The following ANKMY1 variants were observed in gnomAD, a reference collection of about 807,000 sequenced individuals.
ANKMY1 encodes the protein ankyrin repeat and MYND domain-containing protein 1.
A neutral mutation model predicts 102.0 loss-of-function variants in ANKMY1; 98 were observed. The ratio of observed to expected loss-of-function variants is 0.96; its 90% CI spans 0.82 to 1.14. The LOEUF (loss-of-function observed/expected upper bound fraction) is 1.14. Among genes scored for constraint, ANKMY1 ranks in the 50% most tolerant of loss-of-function variants. ANKMY1 has a pLI of 0.00. For synonymous variants in ANKMY1, 582 were observed against 559.9 expected (o/e 1.04, Z -0.56); for missense variants, 1,330 against 1,347.6 (o/e 0.99, Z 0.20).
chr2:240,507,634 A>G lies in ANKMY1; in HGVS notation c.2452T>C (p.Leu818=), dbSNP rs1394373178. The G allele has an allele frequency of 6.2e-7, 1 of 1,612,000 alleles. No homozygotes were observed. Among genetic ancestry groups the G allele is most frequent in the Non-Finnish European group, 8.5e-7 (1 of 1,179,032 alleles). ...ADPNLPLTKG[L]GSALCVACDL... ...CAGGCAACACACAGGGCACTGCCCA[A>G]GCCTTTGGTCAGGGGCAGGTTGGGG... is the stretch of plus-strand genomic sequence containing the variant. Residue 818 remains leucine (L), a synonymous_variant, in exon 13 of 18, where the codon TTG becomes CTG. Transcript: ENST00000401804.
chr2:240,543,593 A>G (rs991688332), intron 4 of ANKMY1, among the ~76,000 whole-genome samples: 7 of 152,162 alleles, frequency 4.6e-5, no homozygotes, highest in African/African-American at 1.7e-4. Context: ...CTTCTGAGTT[A>G]TTGGTGAAAA....
intron 9 of ANKMY1, among the ~76,000 whole-genome samples, chr2:240,514,055 T>C (rs2080750543): frequency 6.6e-6 from 1 of 152,172 alleles, no homozygotes; most frequent in Admixed American, 6.5e-5. Context: ...TCTACAACAG[T>C]CAGCCGGAGG....
chr2:240,507,644 C>G lies in ANKMY1; in HGVS notation c.2442G>C (p.Leu814=), dbSNP rs2079330651. The change falls in exon 13 of 18, where the codon CTG becomes CTC. Residue 814 remains leucine (L), a synonymous_variant. Transcript: ENST00000401804. ...ACAGGGCACTGCCCAAGCCTTTGGT[C>G]AGGGGCAGGTTGGGGTCAGCTCCCT... The part of the protein sequence containing the change: ...LTQGADPNLP[L]TKGLGSALCV... 2 of 1,611,600 alleles carry G rather than the reference C, an allele frequency of 1.2e-6. No individual in the cohort carries two copies. Among genetic ancestry groups the G allele is most frequent in the African/African-American group, 2.7e-5 (2 of 74,940 alleles).
At chr2:240,560,553 C>T, upstream of ANKMY1, 3 of 1,251,400 alleles carry the variant, frequency 2.4e-6, no homozygotes, top group Non-Finnish European at 3.1e-6. Flanking sequence ...CCAGCCTGGT[C>T]CACCTCGGAG....
intron 4 of ANKMY1, among the ~76,000 whole-genome samples, chr2:240,533,853 G>A (rs906941665): frequency 6.6e-6 from 1 of 152,068 alleles, no homozygotes. Context: ...TGAAAGTAAA[G>A]TTACAGAGAA....
rs534616113 is a variant in ANKMY1 at position 240,529,187 on chromosome 2, T to C, written c.803A>G (p.His268Arg). The change falls in exon 5 of 18, where the codon CAC (histidine) becomes CGC (arginine). Residue 268 changes from histidine to arginine, a missense_variant. Physicochemically the swap from His to Arg is conservative, Grantham distance 29. Transcript: ENST00000401804. This position sits in a 1 kb window ranked among gnomAD's most constrained non-coding sequence, Gnocchi z 4.2. ...GCGGAAAGAGCTTGTCATGGGCAGG[T>C]GGTCACTGTTGGTCGAGTAGACATA... ...EMYVYSTNSDHLPMTSSFRKE... is the reference protein window; with the variant it reads ...EMYVYSTNSDRLPMTSSFRKE... 3 of 1,614,158 alleles carry C rather than the reference T, an allele frequency of 1.9e-6. No homozygotes were observed. Among genetic ancestry groups the C allele is most frequent in the East Asian group, 4.5e-5 (2 of 44,882 alleles).
chr2:240,523,474 C>T lies in ANKMY1; in HGVS notation c.1832+411G>A, dbSNP rs546200675. ...TGCATAGACCACATTTTGAGACACA[C>T]TGGTATAGACAGGGTGGACAGCAGG... On this transcript the variant is annotated intron_variant, in intron 8 of 17. Transcript: ENST00000401804. The T allele has an allele frequency of 2.4e-5, 5 of 207,436 alleles. No homozygotes were observed. The South Asian group carries it at 5.1e-4, about 21-fold the overall frequency. The allele number at this position is 207,436 out of a possible 1,614,324, so 12.8% of individuals were successfully genotyped here.
chr2:240,472,682 T>C, the ANKMY1 span, among the ~76,000 whole-genome samples: 3 of 136,820 alleles, frequency 2.2e-5, no homozygotes, highest in East Asian at 2.0e-4. Flanking sequence ...GCAGCAGCCA[T>C]GTGACTAAAC....
At chr2:240,489,548 T>C (rs2076414070) in intron 15 of ANKMY1, among the ~76,000 whole-genome samples, 1 of 152,346 alleles carries the variant, frequency 6.6e-6, no homozygotes, top group African/African-American at 2.4e-5. Context: ...ATGGTTTTTG[T>C]CCTTCATTCT....
chr2:240,493,743 G>A (rs978430186), intron 15 of ANKMY1, among the ~76,000 whole-genome samples: 9 of 152,280 alleles, frequency 5.9e-5, no homozygotes, highest in African/African-American at 1.9e-4. Flanking sequence ...GATGGGGTAG[G>A]CATGCCTATC....
At chr2:240,485,487 T>C (rs1049524391) in intron 15 of ANKMY1, among the ~76,000 whole-genome samples, 6 of 152,230 alleles carry the variant, frequency 3.9e-5, no homozygotes, top group Non-Finnish European at 7.3e-5. Context: ...AACAAGTGGA[T>C]TATTGTTAAT....
the ANKMY1 span, among the ~76,000 whole-genome samples, chr2:240,471,473 T>TTA: frequency 1.3e-5 from 2 of 152,084 alleles, no homozygotes; most frequent in Non-Finnish European, 2.9e-5. Flanking sequence ...CCTGAGAACT[T>TTA]TAGATGACAG....
rs151301491 is a variant in ANKMY1 at position 240,552,440 on chromosome 2, G to A, written c.480+474C>T. 5.2e-4 allele frequency among the ~76,000 whole-genome samples: 79 copies of A among 152,264 alleles called. 1 individual carries two copies. In the East Asian group the frequency reaches 0.013, roughly 24 times the overall value. On this transcript the variant is annotated intron_variant, in intron 4 of 17. Coordinates refer to ENST00000401804, the MANE Select transcript of ANKMY1 (RefSeq NM_001282771.3). ...CAAAGGCCATGGCAATATTTTGAGG[G>A]TGATGGAACTGTTTGTATATCCTGA...
At chr2:240,509,310 C>T (rs754213489) in intron 12 of ANKMY1, 38 bp downstream of exon 12, 3 of 1,549,282 alleles carry the variant, frequency 1.9e-6, no homozygotes, top group East Asian at 2.3e-5. Context: ...GACGGAAACA[C>T]ATAGGTGCAC....
At chr2:240,533,449 A>C (rs1383609615) in intron 4 of ANKMY1, among the ~76,000 whole-genome samples, 1 of 152,252 alleles carries the variant, frequency 6.6e-6, no homozygotes, top group Non-Finnish European at 1.5e-5. Context: ...GGAAGCTGGT[A>C]GAATTATTTT....
chr2:240,512,988 GGA>G, intron 9 of ANKMY1, 46 bp from the exon 10 acceptor site: 1 of 1,587,996 alleles, frequency 6.3e-7, no homozygotes, highest in Non-Finnish European at 8.6e-7. Flanking sequence ...ATTCTCGTAG[GGA>G]GAGACAGGTG....
rs367956203 is a variant in ANKMY1 at position 240,499,911 on chromosome 2, C to T, written c.2806+47G>A. 131 of 1,560,202 alleles carry T rather than the reference C, an allele frequency of 8.4e-5. No homozygotes were observed. Among genetic ancestry groups the T allele is most frequent in the Non-Finnish European group, 1.0e-4 (120 of 1,146,916 alleles). On this transcript the variant is annotated intron_variant, in intron 15 of 17. Coordinates refer to ENST00000401804, the MANE Select transcript of ANKMY1 (RefSeq NM_001282771.3). The surrounding 1 kb of genome is among the most constrained non-coding windows in gnomAD (Gnocchi z 4.2). ...GGGATAACAGCCCCAGGCACGAGGC[C>T]GGAACGCCGCCCTGTGGAGCAGAGC...
At chr2:240,494,463 C>G (rs2077000721) in intron 15 of ANKMY1, among the ~76,000 whole-genome samples, 1 of 152,184 alleles carries the variant, frequency 6.6e-6, no homozygotes, top group Non-Finnish European at 1.5e-5. Flanking sequence ...GACCCAGCCA[C>G]TGCCACTCAG....
At chr2:240,487,161 C>A (rs1472033834) in intron 15 of ANKMY1, among the ~76,000 whole-genome samples, 1 of 152,166 alleles carries the variant, frequency 6.6e-6, no homozygotes, top group Non-Finnish European at 1.5e-5. Context: ...TCTCTGTTAT[C>A]TATTTTTCTA....
Sources: allele counts gnomAD v4.1 joint callset (sites outside exome capture counted in the v4.1 genomes callset), GRCh38; gene constraint gnomAD v4.1.1; non-coding constraint Gnocchi (gnomAD v3.1); transcripts MANE v1.5; gene names NCBI Gene and HGNC (gene_info 2026-07-23, HGNC 2026-07-21).